NEURL1: variants seen among roughly 807,000 people sequenced by gnomAD.
NEURL1 encodes neuralized E3 ubiquitin protein ligase 1.
Under a neutral mutation model 41.2 loss-of-function variants are expected in NEURL1, and 26 were observed. That is an observed-to-expected ratio of 0.63 (90% confidence interval 0.46 to 0.87). The LOEUF (loss-of-function observed/expected upper bound fraction) is 0.87. NEURL1 is among the 40% of genes least tolerant of loss of function. The pLI, the probability that NEURL1 is intolerant of heterozygous loss-of-function variation, is 0.00. For missense variants in NEURL1, 761 were observed against 871.1 expected (o/e 0.87, Z 1.59); for synonymous variants, 400 against 402.3 (o/e 0.99, Z 0.07).
At chr10:103,570,820 C>T (rs1045098989) in intron 1 of NEURL1, 52 bp from the exon 2 acceptor site, 1 of 1,577,970 alleles carries the variant, frequency 6.3e-7, no homozygotes, top group South Asian at 1.2e-5. Flanking sequence ...GGACTCTGGT[C>T]TGGCTCTTGG....
rs1015971680 is a variant in NEURL1, at chr10:103,512,050, C to G, written c.85+17578C>G. 3.3e-5 allele frequency: 5 copies of G among 152,370 alleles called. No homozygotes were observed. The East Asian group carries it at 9.6e-4, about 29-fold the overall frequency. 9.4% of individuals were successfully genotyped at this position (152,370 alleles called of 1,614,324 possible). ...CCATTGCTTCATTCATTCATTCATT[C>G]ATTGATGGCACAGATGTTCTTTGGG... On this transcript the variant is annotated intron_variant, in intron 1 of 5. Coordinates refer to ENST00000369780, the MANE Select transcript of NEURL1 (RefSeq NM_004210.5).
At chr10:103,541,533 A>AT (rs2034820713) in intron 1 of NEURL1, among the ~76,000 whole-genome samples, 1 of 152,184 alleles carries the variant, frequency 6.6e-6, no homozygotes. Flanking sequence ...GTCCTGCCTT[A>AT]ATATCCCTGC....
intron 1 of NEURL1, among the ~76,000 whole-genome samples, chr10:103,497,216 A>G (rs191321060): frequency 1.3e-5 from 2 of 152,328 alleles, no homozygotes; most frequent in Non-Finnish European, 2.9e-5. Flanking sequence ...TAAATGTATC[A>G]GCATTGACCT....
intron 4 of NEURL1, among the ~76,000 whole-genome samples, chr10:103,587,812 T>C (rs1032458793): frequency 2.6e-5 from 4 of 152,162 alleles, no homozygotes; most frequent in African/African-American, 9.7e-5. Flanking sequence ...AAGAAGGAGA[T>C]GATAATTAAC....
At chr10:103,515,698 A>G (rs2034188589) in intron 1 of NEURL1, among the ~76,000 whole-genome samples, 1 of 152,238 alleles carries the variant, frequency 6.6e-6, no homozygotes, top group South Asian at 2.1e-4. Flanking sequence ...AAACCAGATG[A>G]CGAATGAACT....
intron 3 of NEURL1, among the ~76,000 whole-genome samples, chr10:103,574,757 T>C (rs2035621979): frequency 6.6e-6 from 1 of 152,234 alleles, no homozygotes; most frequent in South Asian, 2.1e-4. Context: ...CCAGGTGGCC[T>C]GACCTGGTCC....
intron 1 of NEURL1, among the ~76,000 whole-genome samples, chr10:103,540,090 T>C (rs2034787163): frequency 6.6e-6 from 1 of 152,218 alleles, no homozygotes; most frequent in Non-Finnish European, 1.5e-5. Flanking sequence ...AAACACTTAA[T>C]ATATTTTAAA....
chr10:103,526,521 C>T (rs890034157), intron 1 of NEURL1, among the ~76,000 whole-genome samples: 5 of 147,400 alleles, frequency 3.4e-5, no homozygotes, highest in Non-Finnish European at 6.0e-5. Flanking sequence ...CTTTTCTTTT[C>T]TTTTTTTTTT....
intron 1 of NEURL1, among the ~76,000 whole-genome samples, chr10:103,548,430 C>G (rs1326856971): frequency 6.6e-6 from 1 of 152,210 alleles, no homozygotes; most frequent in South Asian, 2.1e-4. Flanking sequence ...TCAATTGATT[C>G]TCCTGCCTCG....
chr10:103,546,579 G>C (rs1411682363), intron 1 of NEURL1, among the ~76,000 whole-genome samples: 3 of 152,222 alleles, frequency 2.0e-5, no homozygotes, highest in African/African-American at 7.2e-5. Flanking sequence ...AGCATTAGCT[G>C]TGTGACCTGG....
At position 103,570,867 on chromosome 10, in the gene NEURL1, T is replaced by C; in HGVS notation, c.86-5T>C. ...TCTCTGACACCGTGGCCTGTTCCTT[T>C]GCAGACTCTATCGGGGGCCCCTTCC... is the stretch of plus-strand genomic sequence containing the variant. On this transcript the variant is annotated splice_region_variant and splice_polypyrimidine_tract_variant and intron_variant, in intron 1 of 5. Coordinates refer to ENST00000369780, the MANE Select transcript of NEURL1 (RefSeq NM_004210.5). The C allele has an allele frequency of 6.2e-7, 1 of 1,611,722 alleles. No individual in the cohort carries two copies.
chr10:103,526,230 A>G (rs774095325), intron 1 of NEURL1, among the ~76,000 whole-genome samples: 1 of 151,980 alleles, frequency 6.6e-6, no homozygotes, highest in African/African-American at 2.4e-5. Flanking sequence ...TGGTTTTGGT[A>G]TAGGGTAATG....
chr10:103,576,466 G>C (rs1592236621), intron 3 of NEURL1, among the ~76,000 whole-genome samples: 3 of 152,146 alleles, frequency 2.0e-5, no homozygotes, highest in Non-Finnish European at 4.4e-5. Context: ...ACAGGGGAGA[G>C]AGCCATGAGA....
At chr10:103,589,253 A>C (rs112401858) in intron 4 of NEURL1, among the ~76,000 whole-genome samples, 2 of 152,328 alleles carry the variant, frequency 1.3e-5, no homozygotes, top group African/African-American at 4.8e-5. Context: ...TAACAAGAAG[A>C]AAGCAGGATA....
At chr10:103,540,588 C>G (rs1001689362) in intron 1 of NEURL1, among the ~76,000 whole-genome samples, 2 of 152,164 alleles carry the variant, frequency 1.3e-5, no homozygotes, top group Non-Finnish European at 2.9e-5. Flanking sequence ...CCACGCCCAG[C>G]CTTCACACTT....
intron 1 of NEURL1, among the ~76,000 whole-genome samples, chr10:103,505,854 A>C (rs1043204085): frequency 6.6e-6 from 1 of 152,200 alleles, no homozygotes; most frequent in African/African-American, 2.4e-5. Context: ...AGGAACTTTC[A>C]GCAGAAAATC....
At position 103,571,002 on chromosome 10, in the gene NEURL1, C is replaced by T; in HGVS notation, c.216C>T (p.Ser72=). Residue 72 remains serine (S), a synonymous_variant, in exon 2 of 6, where the codon TCC becomes TCT. Coordinates refer to ENST00000369780, the MANE Select transcript of NEURL1 (RefSeq NM_004210.5). ...TCTTCCACCCGCACACCAAGGGCTC[C>T]CAGATCCTCATGGACCTCAGCCACA... ...PLLFHPHTKG[S]QILMDLSHKA... is the part of the protein sequence containing the mutation. 5.0e-6 allele frequency: 8 copies of T among 1,614,076 alleles called. No individual in the cohort carries two copies. The highest frequency in any genetic ancestry group is 5.1e-6 in the Non-Finnish European group (6 of 1,180,022).
intron 3 of NEURL1, among the ~76,000 whole-genome samples, chr10:103,576,389 G>A (rs1197407163): frequency 6.6e-6 from 1 of 152,182 alleles, no homozygotes; most frequent in Non-Finnish European, 1.5e-5. Context: ...GAAGGAATGA[G>A]GTAGAAAGGT....
chr10:103,530,550 TTTCAA>T (rs2034548777), intron 1 of NEURL1, among the ~76,000 whole-genome samples: 1 of 152,156 alleles, frequency 6.6e-6, no homozygotes, highest in African/African-American at 2.4e-5. Flanking sequence ...GTTGATATGA[TTTCAA>T]TTCTTTTTTT....
Sources: gnomAD v4.1 joint callset for allele counts (sites outside exome capture counted in the v4.1 genomes callset) on GRCh38, gnomAD v4.1.1 for gene constraint, MANE v1.5 for transcripts, NCBI Gene and HGNC (gene_info 2026-07-23, HGNC 2026-07-21) for gene names.